The following COQ10B variants were observed in gnomAD, a reference collection of about 807,000 sequenced individuals.
The protein encoded by COQ10B is coenzyme Q-binding protein COQ10 homolog B, mitochondrial.
In COQ10B, 12 loss-of-function variants were observed where a neutral mutation model predicts 27.6. The observed-to-expected ratio is 0.43, with a 90% CI of 0.28 to 0.70. The LOEUF (loss-of-function observed/expected upper bound fraction) is 0.70, where lower values mean the gene tolerates loss of function less well. Among genes scored for constraint, COQ10B ranks in the 30% least tolerant of loss-of-function variants. COQ10B has a pLI of 0.17. For missense variants in COQ10B, 278 were observed against 288.7 expected (o/e 0.96, Z 0.27); for synonymous variants, 115 against 103.0 (o/e 1.12, Z -0.71).
chr2:197,460,984 A>G (rs1488486065), intron 2 of COQ10B, among the ~76,000 whole-genome samples: 1 of 152,234 alleles, frequency 6.6e-6, no homozygotes, highest in African/African-American at 2.4e-5. Flanking sequence ...CCATCCCTCC[A>G]TAGGGGAATT....
At position 197,464,053 on chromosome 2, in the gene COQ10B, G is replaced by GTATATATA. The variant is rs530445633; in HGVS notation, c.447+1329_447+1336dup. ...TACATACACACACATATATATATAC[G>GTATATATA]TATATATATATATACACACACACAC... On this transcript the variant is annotated intron_variant, in intron 3 of 4. Transcript: ENST00000263960. Among the ~76,000 whole-genome samples the GTATATATA allele has an allele frequency of 7.6e-5, 6 of 79,028 alleles. No individual in the cohort carries two copies. The East Asian group carries it at 2.1e-3, about 28-fold the overall frequency. 51.8% of individuals were successfully genotyped at this position (79,028 alleles called of 152,430 possible).
intron 1 of COQ10B, among the ~76,000 whole-genome samples, chr2:197,458,317 A>G (rs2085722104): frequency 6.6e-6 from 1 of 152,076 alleles, no homozygotes; most frequent in African/African-American, 2.4e-5. Flanking sequence ...CACAGTTATT[A>G]TATATGTACA....
At chr2:197,458,441 C>G (rs1397985174) in intron 1 of COQ10B, among the ~76,000 whole-genome samples, 1 of 152,110 alleles carries the variant, frequency 6.6e-6, no homozygotes, top group East Asian at 1.9e-4. Flanking sequence ...ACACCTCCCT[C>G]TTCCCTGCAT....
At chr2:197,465,370 A>C (rs2085813449) in intron 3 of COQ10B, among the ~76,000 whole-genome samples, 1 of 149,574 alleles carries the variant, frequency 6.7e-6, no homozygotes, top group African/African-American at 2.5e-5. Context: ...GCTCACTGCA[A>C]CCTCTGCCTC....
At chr2:197,453,779 T>C in intron 1 of COQ10B, 115 bp downstream of exon 1, 1 of 1,079,156 alleles carries the variant, frequency 9.3e-7, no homozygotes, top group Non-Finnish European at 1.4e-6. Flanking sequence ...TTTCCGTGTC[T>C]TTAGAGGAGA....
At chr2:197,463,894 A>G (rs2085787374) in intron 3 of COQ10B, among the ~76,000 whole-genome samples, 2 of 131,356 alleles carry the variant, frequency 1.5e-5, no homozygotes, top group South Asian at 2.6e-4. Context: ...AGATCGCGCC[A>G]GTGCACTCCA....
intron 3 of COQ10B, 145 bp downstream of exon 3, chr2:197,462,876 T>C (rs1417167291): frequency 1.9e-6 from 1 of 515,834 alleles, no homozygotes; most frequent in African/African-American, 2.0e-5. Context: ...ACTGTGTTAC[T>C]TTATACAATG....
rs553078213 is a variant in COQ10B, at chr2:197,474,017, A to G, written c.*93A>G. 14 of 1,104,294 alleles carry G rather than the reference A, an allele frequency of 1.3e-5. No individual in the cohort carries two copies. Among genetic ancestry groups the G allele is most frequent in the African/African-American group, 1.6e-5 (1 of 62,178 alleles). The allele number at this position is 1,104,294 out of a possible 1,614,324, so 68.4% of individuals were successfully genotyped here. ...GACATGTTTTCAGAAGCCAGAAAGC[A>G]TTTGTTAAACGCAGCTTTGGTTATA... On this transcript the variant is annotated 3_prime_UTR_variant, in exon 5 of 5. Transcript: ENST00000263960.
At chr2:197,454,115 A>G in intron 1 of COQ10B, 1 of 1,538,500 alleles carries the variant, frequency 6.5e-7, no homozygotes, top group East Asian at 2.4e-5. Context: ...AATTTCTGAA[A>G]GAGTGCTTTG....
Position 197,454,162 on chromosome 2 carries a change from C to T in COQ10B, c.104+498C>T, listed in dbSNP as rs1251132390. 2.6e-6 allele frequency: 4 copies of T among 1,536,248 alleles called. No individual in the cohort carries two copies. In the East Asian group the frequency reaches 7.4e-5, roughly 28 times the overall value. ...TAGTGTTTACAAAACTAAATACAGC[C>T]AGCATAAGGGACTTGGATTTTTTCA... On this transcript the variant is annotated intron_variant, in intron 1 of 4. Transcript: ENST00000263960.
At chr2:197,454,332 A>G in intron 1 of COQ10B, 1 of 491,576 alleles carries the variant, frequency 2.0e-6, no homozygotes, top group Non-Finnish European at 3.6e-6. Context: ...CCTTTTACTA[A>G]TAACATTGTA....
Position 197,457,142 on chromosome 2 carries a change from A to T in COQ10B, c.105-2790A>T, listed in dbSNP as rs115216964. Among the ~76,000 whole-genome samples the T allele has an allele frequency of 9.7e-3, 1,481 of 152,246 alleles. 34 individuals carry two copies. The highest frequency in any genetic ancestry group is 0.033 in the African/African-American group (1,363 of 41,546). On this transcript the variant is annotated intron_variant, in intron 1 of 4. Transcript: ENST00000263960. ...CTGGCTCCTATGAGAATCTGATGCC[A>T]CCGCTGATCTGACAGGAGGCAGAAC...
chr2:197,461,719 CA>C (rs562113387), intron 2 of COQ10B, among the ~76,000 whole-genome samples: 226 of 151,906 alleles, frequency 1.5e-3, no homozygotes, highest in Non-Finnish European at 2.1e-3. Context: ...TCACTCACTG[CA>C]ACCTCTGTCT....
intron 3 of COQ10B, 69 bp from the exon 4 acceptor site, chr2:197,470,001 G>A: frequency 1.1e-6 from 1 of 913,824 alleles, no homozygotes; most frequent in Non-Finnish European, 1.8e-6. Flanking sequence ...CTCAGTCATA[G>A]TAGATTCTTA....
intron 3 of COQ10B, among the ~76,000 whole-genome samples, chr2:197,469,319 C>T (rs887428678): frequency 7.2e-5 from 11 of 152,258 alleles, no homozygotes; most frequent in African/African-American, 2.4e-4. Context: ...ATCCCCCAAC[C>T]TTGGCCTCCC....
chr2:197,454,189 T>G (rs1237047273), intron 1 of COQ10B: 8 of 1,473,494 alleles, frequency 5.4e-6, no homozygotes, highest in Non-Finnish European at 6.4e-6. Flanking sequence ...ATTTTTTCAC[T>G]CTGCTGTAAC....
chr2:197,466,876 A>G (rs1373230872), intron 3 of COQ10B, among the ~76,000 whole-genome samples: 1 of 149,020 alleles, frequency 6.7e-6, no homozygotes, highest in Non-Finnish European at 1.5e-5. Context: ...TAATAATGCT[A>G]GTTTGTTTTT....
In COQ10B at chr2:197,462,681, T is replaced by C. The variant is rs150099923; in HGVS notation, c.397T>C (p.Leu133=). The C allele has an allele frequency of 1.6e-5, 26 of 1,604,096 alleles. No homozygotes were observed. Among genetic ancestry groups the C allele is most frequent in the Non-Finnish European group, 2.0e-5 (24 of 1,176,132 alleles). Residue 133 remains leucine (L), a synonymous_variant, in exon 3 of 5, where the codon TTG becomes CTG. Transcript: ENST00000263960. ...TRLEIGFPPV[L]ERYTSVVTLV... is the part of the protein sequence containing the mutation. Reference sequence around the variant, plus strand: ...ATTAGAAATTGGATTTCCACCTGTGTTGGAGCGATATACATCAGTAGTAAC... The same window carrying C: ...ATTAGAAATTGGATTTCCACCTGTGCTGGAGCGATATACATCAGTAGTAAC...
At chr2:197,454,846 G>C (rs928151266) in intron 1 of COQ10B, among the ~76,000 whole-genome samples, 1 of 152,108 alleles carries the variant, frequency 6.6e-6, no homozygotes, top group African/African-American at 2.4e-5. Context: ...TTATACTTAA[G>C]TATATGAGAG....
Sources: allele counts gnomAD v4.1 joint callset (sites outside exome capture counted in the v4.1 genomes callset), GRCh38; gene constraint gnomAD v4.1.1; transcripts MANE v1.5; gene names NCBI Gene and HGNC (gene_info 2026-07-23, HGNC 2026-07-21).